PRKG1: variants seen among roughly 807,000 people sequenced by gnomAD.
PRKG1 encodes cGMP-dependent protein kinase 1.
A neutral mutation model predicts 88.1 loss-of-function variants in PRKG1; 35 were observed. The observed-to-expected ratio is 0.40, with a 90% CI of 0.30 to 0.53. The LOEUF is 0.53. Among genes scored for constraint, PRKG1 ranks in the 20% least tolerant of loss-of-function variants. PRKG1 has a pLI of 0.59. For synonymous variants in PRKG1, 303 were observed against 292.5 expected (o/e 1.04, Z -0.37); for missense variants, 540 against 839.8 (o/e 0.64, Z 4.41).
chr10:51,713,233 G>A (rs1386765351), intron 3 of PRKG1, among the ~76,000 whole-genome samples: 1 of 152,134 alleles, frequency 6.6e-6, no homozygotes, highest in Non-Finnish European at 1.5e-5. Context: ...CTTCCTGTCA[G>A]TTTTGTAAAG....
At chr10:51,011,754 G>A (rs372018770) in intron 1 of PRKG1, among the ~76,000 whole-genome samples, 2 of 152,308 alleles carry the variant, frequency 1.3e-5, no homozygotes, top group Non-Finnish European at 2.9e-5. Context: ...GGGTTCAGTT[G>A]TGGTTACTTT....
chr10:51,567,355 G>T (rs1318295076), intron 3 of PRKG1, among the ~76,000 whole-genome samples: 1 of 152,038 alleles, frequency 6.6e-6, no homozygotes, highest in Non-Finnish European at 1.5e-5. Context: ...ACCTTTCCCT[G>T]TCAAAGCCCA....
chr10:51,992,337 A>G (rs778977735), intron 5 of PRKG1, among the ~76,000 whole-genome samples: 2 of 152,142 alleles, frequency 1.3e-5, no homozygotes, highest in African/African-American at 2.4e-5. Flanking sequence ...CTACTGATCT[A>G]GACTAAGTAT....
chr10:51,380,823 G>C (rs553674676), intron 2 of PRKG1, among the ~76,000 whole-genome samples: 33 of 152,254 alleles, frequency 2.2e-4, no homozygotes, highest in Non-Finnish European at 3.8e-4. Context: ...CTTATAAGGG[G>C]AATAATGAAA....
chr10:51,977,470 T>C (rs1843875726), intron 5 of PRKG1, among the ~76,000 whole-genome samples: 1 of 152,092 alleles, frequency 6.6e-6, no homozygotes, highest in Non-Finnish European at 1.5e-5. Context: ...ATTGATATTC[T>C]TTGGGTATCT....
chr10:52,257,244 C>T (rs1008769446), intron 10 of PRKG1, among the ~76,000 whole-genome samples: 1 of 139,130 alleles, frequency 7.2e-6, no homozygotes, highest in Non-Finnish European at 1.6e-5. Flanking sequence ...CTGTTCATGA[C>T]ATCCATACCA....
At chr10:52,257,748 G>T (rs926381851) in intron 10 of PRKG1, among the ~76,000 whole-genome samples, 3 of 139,014 alleles carry the variant, frequency 2.2e-5, no homozygotes, top group African/African-American at 7.5e-5. Flanking sequence ...TTCTTCAAAA[G>T]AATAAAAACG....
intron 9 of PRKG1, among the ~76,000 whole-genome samples, chr10:52,172,072 G>C (rs1838709954): frequency 2.0e-5 from 3 of 152,064 alleles, no homozygotes; most frequent in African/African-American, 4.8e-5. Context: ...AAAGTGCTGG[G>C]ATTACAGGCG....
At chr10:51,731,367 T>TA (rs1358156616) in intron 3 of PRKG1, among the ~76,000 whole-genome samples, 7 of 151,976 alleles carry the variant, frequency 4.6e-5, no homozygotes, top group Admixed American at 1.3e-4. Flanking sequence ...TTCTTAAATT[T>TA]AAAAAAAATG....
intron 8 of PRKG1, among the ~76,000 whole-genome samples, chr10:52,155,546 G>A (rs1838068929): frequency 6.6e-6 from 1 of 151,808 alleles, no homozygotes; most frequent in Non-Finnish European, 1.5e-5. Flanking sequence ...TATAGTATAA[G>A]CACAGACAGC....
chr10:51,481,321 C>T (rs1002196805), intron 3 of PRKG1, among the ~76,000 whole-genome samples: 4 of 151,984 alleles, frequency 2.6e-5, no homozygotes, highest in African/African-American at 7.2e-5. Context: ...GATCTCAGCT[C>T]ACTGCAATCT....
chr10:52,106,113 C>T, intron 7 of PRKG1, among the ~76,000 whole-genome samples: 1 of 152,180 alleles, frequency 6.6e-6, no homozygotes, highest in Non-Finnish European at 1.5e-5. Context: ...AAATAATAGT[C>T]TCCAACTCCA....
chr10:51,126,309 A>C (rs1207278201), intron 1 of PRKG1, among the ~76,000 whole-genome samples: 5 of 122,496 alleles, frequency 4.1e-5, no homozygotes, highest in Non-Finnish European at 8.0e-5. Flanking sequence ...TTATATATTT[A>C]TAATTATTTA....
intron 2 of PRKG1, among the ~76,000 whole-genome samples, chr10:51,172,761 A>G (rs1221568164): frequency 1.3e-5 from 2 of 151,946 alleles, no homozygotes; most frequent in African/African-American, 2.4e-5. Context: ...AATACCTTCA[A>G]TGGGAATGCT....
chr10:51,001,882 A>T (rs1326676431), intron 1 of PRKG1, among the ~76,000 whole-genome samples: 1 of 152,202 alleles, frequency 6.6e-6, no homozygotes, highest in Non-Finnish European at 1.5e-5. Flanking sequence ...TTTAAAATAT[A>T]TTGTCAAATA....
chr10:51,011,968 A>G (rs76970792), intron 1 of PRKG1, among the ~76,000 whole-genome samples: 3,592 of 152,302 alleles, frequency 0.024, 78 homozygotes, highest in African/African-American at 0.055. Context: ...AGGCAAGAAG[A>G]GAACTTGTGC....
At chr10:52,039,101 C>T (rs1296067063) in intron 5 of PRKG1, among the ~76,000 whole-genome samples, 6 of 152,250 alleles carry the variant, frequency 3.9e-5, no homozygotes, top group South Asian at 2.1e-4. Flanking sequence ...ATCCGAGTCA[C>T]GGCACCAAAT....
chr10:51,921,230 A>T (rs1291752002), intron 5 of PRKG1, among the ~76,000 whole-genome samples: 1 of 152,144 alleles, frequency 6.6e-6, no homozygotes, highest in Non-Finnish European at 1.5e-5. Context: ...GCGAGTATAT[A>T]GGAAATCAAT....
Position 50,991,600 on chromosome 10 carries a change from C to T in PRKG1, c.222C>T (p.Phe74=). The stretch of plus-strand genomic sequence containing the variant: ...CCGAGCCGCAGACGTACAGGTCCTT[C>T]CACGACCTCCGACAGGCATTCCGGA... The change falls in exon 1 of 18, where the codon TTC becomes TTT. Residue 74 remains phenylalanine, a synonymous_variant. Transcript: ENST00000401604. The surrounding 1 kb of genome is among the most constrained non-coding windows in gnomAD (Gnocchi z 4.5). 6.3e-7 allele frequency: 1 copy of T among 1,578,732 alleles called. No individual in the cohort carries two copies. Among genetic ancestry groups the T allele is most frequent in the Non-Finnish European group, 8.6e-7 (1 of 1,164,154 alleles).
Sources: gnomAD v4.1 joint callset for allele counts (sites outside exome capture counted in the v4.1 genomes callset) on GRCh38, gnomAD v4.1.1 for gene constraint, Gnocchi (gnomAD v3.1) non-coding constraint, MANE v1.5 for transcripts, NCBI Gene and HGNC (gene_info 2026-07-23, HGNC 2026-07-21) for gene names.